The following ARHGAP26 variants were observed in gnomAD, a reference collection of about 807,000 sequenced individuals.
The protein encoded by ARHGAP26 is rho GTPase-activating protein 26.
ARHGAP26 carries 38 observed loss-of-function variants against 104.8 expected under a neutral mutation model. That is an observed-to-expected ratio of 0.36 (90% CI 0.28 to 0.48). The LOEUF is 0.48. ARHGAP26 is among the 20% of genes least tolerant of loss of function. The pLI is 0.99. For missense variants in ARHGAP26, 704 were observed against 947.9 expected (o/e 0.74, Z 3.38); for synonymous variants, 341 against 340.0 (o/e 1.00, Z -0.03).
chr5:143,123,462 GTA>G (rs1413093249), intron 18 of ARHGAP26, among the ~76,000 whole-genome samples: 1 of 152,186 alleles, frequency 6.6e-6, no homozygotes, highest in Non-Finnish European at 1.5e-5. Context: ...ATAACACTTT[GTA>G]TAAACTCCCT....
intron 17 of ARHGAP26, among the ~76,000 whole-genome samples, chr5:143,087,099 T>G (rs1790703767): frequency 6.6e-6 from 1 of 152,252 alleles, no homozygotes; most frequent in South Asian, 2.1e-4. Flanking sequence ...TCAAATATAC[T>G]ATGCCTTAAG....
chr5:143,176,866 G>A (rs774893042), intron 20 of ARHGAP26, among the ~76,000 whole-genome samples: 1 of 152,126 alleles, frequency 6.6e-6, no homozygotes, highest in Non-Finnish European at 1.5e-5. Context: ...CTCAGAATCC[G>A]TAAATGCCTT....
At chr5:142,920,997 G>T (rs964737819) in intron 10 of ARHGAP26, among the ~76,000 whole-genome samples, 2 of 152,114 alleles carry the variant, frequency 1.3e-5, no homozygotes, top group African/African-American at 4.8e-5. Context: ...GAGACTACTG[G>T]CAGTGGAGAT....
intron 11 of ARHGAP26, among the ~76,000 whole-genome samples, chr5:142,933,989 C>T (rs552601044): frequency 6.6e-6 from 1 of 152,292 alleles, no homozygotes; most frequent in South Asian, 2.1e-4. Context: ...TTCTTCAACT[C>T]ATAGGGGAGG....
At chr5:143,154,863 TA>T (rs1472788170) in intron 20 of ARHGAP26, among the ~76,000 whole-genome samples, 1 of 151,970 alleles carries the variant, frequency 6.6e-6, no homozygotes, top group African/African-American at 2.4e-5. Context: ...TTTTTTTTTT[TA>T]AAAAGCAATT....
intron 1 of ARHGAP26, among the ~76,000 whole-genome samples, chr5:142,794,683 T>C (rs1376244459): frequency 6.6e-6 from 1 of 152,094 alleles, no homozygotes; most frequent in East Asian, 1.9e-4. Flanking sequence ...AACAGGGATG[T>C]CAGGCAGATA....
chr5:143,116,705 T>A (rs1208174307), intron 17 of ARHGAP26, among the ~76,000 whole-genome samples: 1 of 152,200 alleles, frequency 6.6e-6, no homozygotes, highest in Non-Finnish European at 1.5e-5. Context: ...CTTCTGCCTC[T>A]CAAAGGACAT....
Position 143,147,406 on chromosome 5 carries a change from C to T in ARHGAP26, c.1988+25C>T, listed in dbSNP as rs201638996. 2.6e-4 allele frequency: 422 copies of T among 1,604,984 alleles called. 4 individuals carry two copies. Among genetic ancestry groups the T allele is most frequent in the Admixed American group, 3.6e-4 (21 of 58,848 alleles). On this transcript the variant is annotated intron_variant, in intron 20 of 22. Coordinates refer to ENST00000645722, the MANE Select transcript of ARHGAP26 (RefSeq NM_001135608.3). ...TGTAAGTATGATGTCCAGCTGCCTA[C>T]CCCACAAGGGCTTTGGTCAGCCATT...
intron 17 of ARHGAP26, among the ~76,000 whole-genome samples, chr5:143,116,180 G>C (rs1017555044): frequency 1.3e-5 from 2 of 152,194 alleles, no homozygotes; most frequent in Non-Finnish European, 2.9e-5. Flanking sequence ...TACTATTATA[G>C]AGTTATTATA....
At position 142,879,578 on chromosome 5, in the gene ARHGAP26, A is replaced by C. The variant is rs111510621; in HGVS notation, c.384+133A>C. The C allele has an allele frequency of 1.4e-3, 1,173 of 812,186 alleles. 14 individuals are homozygous for C. The African/African-American group carries it at 0.017, about 12-fold the overall frequency. 50.3% of individuals were successfully genotyped at this position (812,186 alleles called of 1,614,324 possible). ...CCACCTTCTTCAGAAAATCTTAGGC[A>C]GAAAACTCTATAGAGCCCAACTCAT... On this transcript the variant is annotated intron_variant, in intron 4 of 22. Coordinates refer to ENST00000645722, the MANE Select transcript of ARHGAP26 (RefSeq NM_001135608.3).
chr5:142,800,374 T>C (rs958055784), intron 1 of ARHGAP26, among the ~76,000 whole-genome samples: 5 of 151,668 alleles, frequency 3.3e-5, no homozygotes, highest in African/African-American at 1.2e-4. Flanking sequence ...TTTGTCTTTT[T>C]TTTTTTTTTT....
At chr5:143,189,611 T>C (rs906190817) in intron 20 of ARHGAP26, among the ~76,000 whole-genome samples, 1 of 152,238 alleles carries the variant, frequency 6.6e-6, no homozygotes, top group Non-Finnish European at 1.5e-5. Context: ...TCAAAAAGCA[T>C]GTACTTCCAA....
At position 143,219,533 on chromosome 5, in the gene ARHGAP26, G is replaced by A. The variant is rs1206518357; in HGVS notation, c.2192-2825G>A. On this transcript the variant is annotated intron_variant, in intron 22 of 22. Coordinates refer to ENST00000645722, the MANE Select transcript of ARHGAP26 (RefSeq NM_001135608.3). The stretch of plus-strand genomic sequence containing the variant: ...GGAATGTACTATGAGCATTTTAGGT[G>A]TCTGGAGGAGGAGGGAGCAGGTAGA... Among the ~76,000 whole-genome samples, 2 of 152,224 alleles carry A rather than the reference G, an allele frequency of 1.3e-5. 1 individual carries two copies. Among genetic ancestry groups the A allele is most frequent in the Non-Finnish European group, 2.9e-5 (2 of 68,042 alleles).
chr5:143,012,212 C>A (rs562220237), intron 11 of ARHGAP26, among the ~76,000 whole-genome samples: 2 of 152,014 alleles, frequency 1.3e-5, no homozygotes, highest in African/African-American at 4.8e-5. Context: ...GGCCTGGTAG[C>A]TTTAGTTTTC....
intron 17 of ARHGAP26, among the ~76,000 whole-genome samples, chr5:143,073,209 C>A (rs550259679): frequency 1.8e-4 from 28 of 152,212 alleles, no homozygotes; most frequent in South Asian, 1.0e-3. Context: ...ATAAAGGACC[C>A]AGAATAGTGC....
chr5:143,102,531 A>C (rs543305344), intron 17 of ARHGAP26, among the ~76,000 whole-genome samples: 116 of 152,272 alleles, frequency 7.6e-4, no homozygotes, highest in Non-Finnish European at 1.5e-3. Context: ...TCTGCTAATC[A>C]CTGCTGGACC....
chr5:143,082,637 T>C (rs983847294), intron 17 of ARHGAP26, among the ~76,000 whole-genome samples: 2 of 152,262 alleles, frequency 1.3e-5, no homozygotes, highest in Admixed American at 6.5e-5. Flanking sequence ...ATTGTATTCA[T>C]GTTTCTGGCT....
At chr5:142,789,958 G>C (rs1165320495) in intron 1 of ARHGAP26, among the ~76,000 whole-genome samples, 1 of 152,198 alleles carries the variant, frequency 6.6e-6, no homozygotes, top group Non-Finnish European at 1.5e-5. Flanking sequence ...AAGGAATCTA[G>C]AACTGGGGAC....
At chr5:142,803,356 C>T (rs1260057458) in intron 1 of ARHGAP26, among the ~76,000 whole-genome samples, 1 of 152,066 alleles carries the variant, frequency 6.6e-6, no homozygotes, top group Non-Finnish European at 1.5e-5. Flanking sequence ...CTCATTGTTT[C>T]CCCATTTGGA....
Sources: allele counts gnomAD v4.1 joint callset (sites outside exome capture counted in the v4.1 genomes callset), GRCh38; gene constraint gnomAD v4.1.1; transcripts MANE v1.5; gene names NCBI Gene and HGNC (gene_info 2026-07-23, HGNC 2026-07-21).